The following OR1J2 variants were observed in gnomAD, a reference collection of about 807,000 sequenced individuals.
OR1J2 encodes the protein olfactory receptor family 1 subfamily J member 2.
For missense variants in OR1J2, 304 were observed against 246.1 expected, an observed-to-expected ratio of 1.24 and a Z score of -1.57; for synonymous variants, 142 against 99.7, an observed-to-expected ratio of 1.42 and a Z score of -2.52.
the OR1J2 span, among the ~76,000 whole-genome samples, chr9:122,532,400 T>C: frequency 6.6e-6 from 1 of 151,882 alleles, no homozygotes; most frequent in Non-Finnish European, 1.5e-5. Context: ...ATAAACCAAG[T>C]GTGATCAGGG....
the OR1J2 span, among the ~76,000 whole-genome samples, chr9:122,482,005 G>T: frequency 6.6e-6 from 1 of 151,902 alleles, no homozygotes; most frequent in Non-Finnish European, 1.5e-5. Flanking sequence ...AGCAAAAATA[G>T]ACAAATAAGA....
chr9:122,544,151 T>C, the OR1J2 span, among the ~76,000 whole-genome samples: 1 of 152,176 alleles, frequency 6.6e-6, no homozygotes, highest in South Asian at 2.1e-4. Context: ...TTAAAAATAA[T>C]GAATAAATTA....
chr9:122,477,222 G>T, the OR1J2 span: 24,678 of 1,614,044 alleles, frequency 0.015, 233 homozygotes, highest in Non-Finnish European at 0.019. Flanking sequence ...ACAAGGCTTT[G>T]CATATGCCCT....
the OR1J2 span, among the ~76,000 whole-genome samples, chr9:122,573,439 C>G: frequency 3.2e-4 from 48 of 152,292 alleles, no homozygotes; most frequent in African/African-American, 1.0e-3. Context: ...TTTGGCCATT[C>G]TAATGGGTAT....
chr9:122,500,210 G>A, the OR1J2 span, among the ~76,000 whole-genome samples: 1 of 152,134 alleles, frequency 6.6e-6, no homozygotes. Context: ...TTTTTGGTGT[G>A]TTTTCCTCAC....
At chr9:122,523,951 G>A in the OR1J2 span, among the ~76,000 whole-genome samples, 1 of 152,190 alleles carries the variant, frequency 6.6e-6, no homozygotes, top group Non-Finnish European at 1.5e-5. Flanking sequence ...TAAGTCACCT[G>A]TATGTCAGCA....
chr9:122,492,093 T>G, the OR1J2 span, among the ~76,000 whole-genome samples: 98,915 of 151,938 alleles, frequency 0.65, 33,781 homozygotes, highest in African/African-American at 0.87. Context: ...GGGTATGAAT[T>G]ATCCCATCAC....
the OR1J2 span, among the ~76,000 whole-genome samples, chr9:122,479,769 T>C: frequency 6.6e-6 from 1 of 152,250 alleles, no homozygotes; most frequent in Non-Finnish European, 1.5e-5. Context: ...TGTTCCTTTC[T>C]CTTTTTCTTG....
At chr9:122,483,163 A>G in the OR1J2 span, among the ~76,000 whole-genome samples, 1 of 152,194 alleles carries the variant, frequency 6.6e-6, no homozygotes, top group African/African-American at 2.4e-5. Flanking sequence ...TCATCGATTT[A>G]AATCGTTCAT....
the OR1J2 span, chr9:122,519,006 A>G: frequency 1.5e-6 from 1 of 645,818 alleles, no homozygotes; most frequent in East Asian, 2.7e-5. Context: ...TTGTAGGGAC[A>G]TAGCAATGTA....
chr9:122,526,832 G>A, the OR1J2 span: 94 of 1,614,012 alleles, frequency 5.8e-5, no homozygotes, highest in Non-Finnish European at 6.9e-5. Context: ...TGTGAGTCAG[G>A]GCAACGATAT....
the OR1J2 span, among the ~76,000 whole-genome samples, chr9:122,544,343 A>G: frequency 6.6e-6 from 1 of 151,866 alleles, no homozygotes; most frequent in Non-Finnish European, 1.5e-5. Flanking sequence ...CTAGGTTTTA[A>G]AAGCTCTATT....
the OR1J2 span, among the ~76,000 whole-genome samples, chr9:122,490,109 A>C: frequency 4.6e-5 from 7 of 152,168 alleles, no homozygotes; most frequent in African/African-American, 1.7e-4. Context: ...CTTTTTCTAC[A>C]TGTAAGCTTA....
the OR1J2 span, among the ~76,000 whole-genome samples, chr9:122,454,320 C>A: frequency 6.6e-6 from 1 of 152,120 alleles, no homozygotes; most frequent in East Asian, 1.9e-4. Flanking sequence ...GAGTTTGAGA[C>A]CAGCCTGGCA....
At chr9:122,450,277 A>G in the OR1J2 span, among the ~76,000 whole-genome samples, 1 of 152,128 alleles carries the variant, frequency 6.6e-6, no homozygotes, top group African/African-American at 2.4e-5. Flanking sequence ...CTAAAAATAC[A>G]AAAATTAGCT....
At chr9:122,476,174 C>G in the OR1J2 span, among the ~76,000 whole-genome samples, 1 of 152,268 alleles carries the variant, frequency 6.6e-6, no homozygotes, top group African/African-American at 2.4e-5. Flanking sequence ...GAAGTGTGGG[C>G]TATATTCTGG....
chr9:122,523,002 C>G, the OR1J2 span, among the ~76,000 whole-genome samples: 6 of 152,146 alleles, frequency 3.9e-5, no homozygotes, highest in African/African-American at 1.4e-4. Context: ...CTGTTACTAT[C>G]TATATTTTAC....
At chr9:122,515,353 T>TGTGTGTGG (rs1491520447), downstream of OR1J2, among the ~76,000 whole-genome samples, 2 of 20,784 alleles carry the variant, frequency 9.6e-5, no homozygotes, top group Non-Finnish European at 1.4e-4. Context: ...AGGAGCAGGT[T>TGTGTGTGG]GTGTGTGTGT....
chr9:122,538,102 T>C, the OR1J2 span, among the ~76,000 whole-genome samples: 1 of 152,130 alleles, frequency 6.6e-6, no homozygotes, highest in Non-Finnish European at 1.5e-5. Flanking sequence ...GCCTTTCTTA[T>C]CTGTGCAGCT....
Sources: gnomAD v4.1 joint callset for allele counts (sites outside exome capture counted in the v4.1 genomes callset) on GRCh38, gnomAD v4.1.1 for gene constraint, MANE v1.5 for transcripts, NCBI Gene and HGNC (gene_info 2026-07-23, HGNC 2026-07-21) for gene names.